The following C5AR1 variants were observed in gnomAD, a reference collection of about 807,000 sequenced individuals.
C5AR1 encodes C5a anaphylatoxin chemotactic receptor 1.
Under a neutral mutation model 2.4 loss-of-function variants are expected in C5AR1, and 4 were observed. The observed-to-expected ratio is 1.65, with a 90% confidence interval of 0.81 to 3.77. The LOEUF (loss-of-function observed/expected upper bound fraction) is 3.77. Ranked by LOEUF, C5AR1 falls within the 30% of genes most tolerant of loss-of-function variation. The pLI, the probability that C5AR1 is intolerant of heterozygous loss-of-function variation, is 0.01. For synonymous variants in C5AR1, 209 were observed against 210.4 expected, an observed-to-expected ratio of 0.99 and a Z score of 0.06; for missense variants, 418 against 462.5, an observed-to-expected ratio of 0.90 and a Z score of 0.88.
intron 1 of C5AR1, among the ~76,000 whole-genome samples, chr19:47,318,902 T>TTG (rs1555807092): frequency 1.1e-4 from 16 of 148,876 alleles, no homozygotes; most frequent in African/African-American, 3.7e-4. Flanking sequence ...TTTTTTTTTT[T>TTG]TTAGATGGAG....
At chr19:47,316,202 T>C (rs892102671) in intron 1 of C5AR1, among the ~76,000 whole-genome samples, 7 of 152,156 alleles carry the variant, frequency 4.6e-5, no homozygotes, top group Admixed American at 3.3e-4. Context: ...GAGATGGGGT[T>C]TCACTATGTT....
intron 1 of C5AR1, among the ~76,000 whole-genome samples, chr19:47,317,052 G>A (rs2059291709): frequency 6.6e-6 from 1 of 151,388 alleles, no homozygotes; most frequent in Non-Finnish European, 1.5e-5. Context: ...AATTAGCTGG[G>A]TGTGGTGGTG....
upstream of C5AR1, among the ~76,000 whole-genome samples, chr19:47,307,986 G>A (rs971594944): frequency 3.4e-4 from 52 of 151,394 alleles, no homozygotes; most frequent in Admixed American, 7.3e-4. Flanking sequence ...AGGCTGAGGC[G>A]GGTGGATCAC....
rs143040550 is a variant in C5AR1 at position 47,320,458 on chromosome 19, C to A, written c.681C>A (p.Leu227=). The A allele has an allele frequency of 2.1e-5, 34 of 1,612,790 alleles. No homozygotes were observed. The African/African-American group carries it at 4.4e-4, about 21-fold the overall frequency. The change falls in exon 2 of 2, where the codon CTC becomes CTA. Residue 227 remains leucine, a synonymous_variant. Transcript: ENST00000355085. The surrounding 1 kb of genome is among the most constrained non-coding windows in gnomAD (Gnocchi z 4.9). ...CGATTTGTTACACTTTCATCCTGCT[C>A]CGGACGTGGAGCCGCAGGGCCACGC... ...TLTICYTFIL[L]RTWSRRATRS...
chr19:47,320,518 G>C lies in C5AR1; in HGVS notation c.741G>C (p.Val247=). 1 of 1,613,870 alleles carries C rather than the reference G, an allele frequency of 6.2e-7. No individual in the cohort carries two copies. ...STKTLKVVVA[V]VASFFIFWLP... Reference sequence around the variant, plus strand: ...AGACACTCAAGGTGGTGGTGGCAGTGGTGGCCAGTTTCTTTATCTTCTGGT... The same window carrying C: ...AGACACTCAAGGTGGTGGTGGCAGTCGTGGCCAGTTTCTTTATCTTCTGGT... The change falls in exon 2 of 2, where the codon GTG becomes GTC. Residue 247 remains valine (V), a synonymous_variant. Transcript: ENST00000355085. This position sits in a 1 kb window ranked among gnomAD's most constrained non-coding sequence, Gnocchi z 4.9.
chr19:47,318,962 T>G (rs565797579), intron 1 of C5AR1, among the ~76,000 whole-genome samples: 11 of 146,612 alleles, frequency 7.5e-5, no homozygotes, highest in Admixed American at 3.6e-4. Flanking sequence ...TTCGGCTCAC[T>G]GCAACCTCTG....
At chr19:47,314,287 G>A (rs887928138) in intron 1 of C5AR1, among the ~76,000 whole-genome samples, 24 of 152,190 alleles carry the variant, frequency 1.6e-4, no homozygotes, top group Admixed American at 1.2e-3. Flanking sequence ...GAATAGTGCC[G>A]GGCAATTAGA....
At chr19:47,308,212 C>CAA (rs1051683773), upstream of C5AR1, among the ~76,000 whole-genome samples, 1,173 of 52,030 alleles carry the variant, frequency 0.023, 22 homozygotes, top group South Asian at 0.04. Context: ...GACTCCATCT[C>CAA]AAAAAAAAAA....
At chr19:47,308,686 G>A (rs2059261097), upstream of C5AR1, among the ~76,000 whole-genome samples, 1 of 151,674 alleles carries the variant, frequency 6.6e-6, no homozygotes, top group African/African-American at 2.4e-5. Context: ...CTTCTGAGTA[G>A]CTGAGATTAC....
At chr19:47,317,579 A>G (rs1222926651) in intron 1 of C5AR1, among the ~76,000 whole-genome samples, 7 of 151,760 alleles carry the variant, frequency 4.6e-5, no homozygotes, top group East Asian at 1.9e-4. Flanking sequence ...TAACTGACAA[A>G]TAATAATACC....
At chr19:47,315,680 T>C (rs960609283) in intron 1 of C5AR1, among the ~76,000 whole-genome samples, 6 of 152,056 alleles carry the variant, frequency 3.9e-5, no homozygotes, top group East Asian at 1.9e-4. Context: ...ATTAACTCTT[T>C]AGTGACATGA....
At position 47,320,750 on chromosome 19, in the gene C5AR1, G is replaced by A. The variant is rs757164135; in HGVS notation, c.973G>A (p.Glu325Lys). The A allele has an allele frequency of 2.5e-6, 4 of 1,614,094 alleles. No individual in the cohort carries two copies. The South Asian group carries it at 3.3e-5, about 13-fold the overall frequency. Residue 325 changes from glutamate (E) to lysine (K), a missense_variant, in exon 2 of 2, where the codon GAA (glutamate) becomes AAA (lysine). Coordinates refer to ENST00000355085, the MANE Select transcript of C5AR1 (RefSeq NM_001736.4). The surrounding 1 kb of genome is among the most constrained non-coding windows in gnomAD (Gnocchi z 4.9). The stretch of plus-strand genomic sequence containing the variant: ...CAGCCTCCTCCGGAACGTGTTGACT[G>A]AAGAGTCCGTGGTTAGGGAGAGCAA... The part of the protein sequence containing the change: ...LPSLLRNVLT[E>K]ESVVRESKSF...
chr19:47,312,927 G>C (rs1483417668), intron 1 of C5AR1, among the ~76,000 whole-genome samples: 2 of 152,100 alleles, frequency 1.3e-5, no homozygotes, highest in Non-Finnish European at 1.5e-5. Flanking sequence ...ATGCTAGTAG[G>C]AGGTTTCATC....
At chr19:47,315,803 A>C (rs2059285377) in intron 1 of C5AR1, among the ~76,000 whole-genome samples, 1 of 152,098 alleles carries the variant, frequency 6.6e-6, no homozygotes, top group South Asian at 2.1e-4. Context: ...TACCAGTGAA[A>C]ATATTTTTAA....
Position 47,320,353 on chromosome 19 carries a change from C to T in C5AR1, c.576C>T (p.Tyr192=), listed in dbSNP as rs2059305252. 1 of 1,609,782 alleles carries T rather than the reference C, an allele frequency of 6.2e-7. No homozygotes were observed. Among genetic ancestry groups the T allele is most frequent in the Non-Finnish European group, 8.5e-7 (1 of 1,179,956 alleles). The change falls in exon 2 of 2, where the codon TAC becomes TAT. Residue 192 remains tyrosine, a synonymous_variant. Coordinates refer to ENST00000355085, the MANE Select transcript of C5AR1 (RefSeq NM_001736.4). This position sits in a 1 kb window ranked among gnomAD's most constrained non-coding sequence, Gnocchi z 4.9. ...FPPKVLCGVD[Y]SHDKRRERAV... is the part of the protein sequence containing the mutation. ...CAAAGGTGTTGTGTGGCGTGGACTA[C>T]AGCCACGACAAACGGCGGGAGCGAG...
intron 1 of C5AR1, among the ~76,000 whole-genome samples, chr19:47,314,398 T>A (rs1053864869): frequency 5.3e-5 from 8 of 152,126 alleles, no homozygotes; most frequent in African/African-American, 1.9e-4. Flanking sequence ...TTATTTTACT[T>A]TATTTATTTT....
In C5AR1 at chr19:47,321,018, A is replaced by G. The variant is rs879193246; in HGVS notation, c.*188A>G. ...CTCTTCTCATCCTTCCTCATTTGCA[A>G]GGTGAACACTTCCTTCTAGGGAGCA... is the stretch of plus-strand genomic sequence containing the variant. On this transcript the variant is annotated 3_prime_UTR_variant, in exon 2 of 2. Transcript: ENST00000355085. 5.6e-6 allele frequency: 3 copies of G among 535,682 alleles called. No homozygotes were observed. The Admixed American group carries it at 1.1e-4, about 19-fold the overall frequency. The allele number at this position is 535,682 out of a possible 1,614,324, so 33.2% of individuals were successfully genotyped here. A position where few individuals can be genotyped will look rare whatever the true frequency, so the allele number is the denominator to read the frequency against.
chr19:47,310,309 A>G (rs1481311303), intron 1 of C5AR1, among the ~76,000 whole-genome samples: 1 of 151,992 alleles, frequency 6.6e-6, no homozygotes, highest in Non-Finnish European at 1.5e-5. Flanking sequence ...CCAGGAGTTC[A>G]AGACCAGCCT....
intron 1 of C5AR1, among the ~76,000 whole-genome samples, chr19:47,312,723 G>GCCT (rs1218525439): frequency 6.6e-6 from 1 of 151,994 alleles, no homozygotes; most frequent in East Asian, 1.9e-4. Context: ...CAAGGGAGTT[G>GCCT]CCTCCTCCTC....
Sources: gnomAD v4.1 joint callset for allele counts (sites outside exome capture counted in the v4.1 genomes callset) on GRCh38, gnomAD v4.1.1 for gene constraint, Gnocchi (gnomAD v3.1) non-coding constraint, MANE v1.5 for transcripts, NCBI Gene and HGNC (gene_info 2026-07-23, HGNC 2026-07-21) for gene names.